CFAP100: variants seen among roughly 807,000 people sequenced by gnomAD.
The protein encoded by CFAP100 is cilia- and flagella-associated protein 100.
CFAP100 carries 70 observed loss-of-function variants against 81.5 expected under a neutral mutation model. The ratio of observed to expected loss-of-function variants is 0.86; its 90% confidence interval spans 0.71 to 1.05. The LOEUF is 1.05. Among genes scored for constraint, CFAP100 ranks in the 50% least tolerant of loss-of-function variants. The pLI is 0.00. For missense variants in CFAP100, 811 were observed against 776.5 expected, an observed-to-expected ratio of 1.04 and a Z score of -0.53; for synonymous variants, 341 against 314.8, an observed-to-expected ratio of 1.08 and a Z score of -0.88.
intron 5 of CFAP100, among the ~76,000 whole-genome samples, chr3:126,417,507 C>T (rs937878912): frequency 4.6e-5 from 7 of 152,094 alleles, no homozygotes; most frequent in African/African-American, 1.2e-4. Context: ...CTTGTGGGGG[C>T]GTTTAGGCCC....
At position 126,419,989 on chromosome 3, in the gene CFAP100, T is replaced by TCAAGGG; in HGVS notation, c.929_934dup (p.Gly310_Lys311dup). 6.2e-7 allele frequency: 1 copy of TCAAGGG among 1,613,100 alleles called. No individual in the cohort carries two copies. The highest frequency in any genetic ancestry group is 8.5e-7 in the Non-Finnish European group (1 of 1,179,946). Reference sequence around the variant, plus strand: ...CCTTTGCTTCCTGCAGGACCAGGGATCAAGGGCAAGGCGAGCTCCATGTGG... The same window carrying TCAAGGG: ...CCTTTGCTTCCTGCAGGACCAGGGATCAAGGGCAAGGGCAAGGCGAGCTCCATGTGG... On this transcript the variant is annotated inframe_insertion, in exon 10 of 17. Transcript: ENST00000352312.
At chr3:126,397,336 C>T (rs79255850) in intron 2 of CFAP100, among the ~76,000 whole-genome samples, 4,691 of 152,206 alleles carry the variant, frequency 0.031, 248 homozygotes, top group African/African-American at 0.11. Flanking sequence ...GGTGTGCACA[C>T]GCTCTCTCGT....
At chr3:126,433,807 C>T in intron 14 of CFAP100, 1 of 225,234 alleles carries the variant, frequency 4.4e-6, no homozygotes, top group South Asian at 7.3e-5. Context: ...CCTCATATAG[C>T]CCACATGGAG....
At chr3:126,405,540 G>A (rs1331221407) in intron 2 of CFAP100, among the ~76,000 whole-genome samples, 1 of 152,146 alleles carries the variant, frequency 6.6e-6, no homozygotes, top group African/African-American at 2.4e-5. Context: ...GTGCACACCT[G>A]TAGTCCCAGC....
intron 13 of CFAP100, among the ~76,000 whole-genome samples, chr3:126,432,257 T>C (rs1238770110): frequency 8.5e-6 from 1 of 117,610 alleles, no homozygotes; most frequent in Non-Finnish European, 1.6e-5. Flanking sequence ...CCACCCAGCC[T>C]GGGCGACTGA....
intron 2 of CFAP100, among the ~76,000 whole-genome samples, chr3:126,402,620 C>G (rs902962608): frequency 2.6e-5 from 4 of 151,700 alleles, no homozygotes; most frequent in African/African-American, 9.7e-5. Context: ...GGTGTGGGCT[C>G]TGGATTGGGT....
At chr3:126,426,404 A>G (rs1932939602) in intron 13 of CFAP100, among the ~76,000 whole-genome samples, 1 of 150,992 alleles carries the variant, frequency 6.6e-6, no homozygotes, top group Non-Finnish European at 1.5e-5. Context: ...GCAGTGAGCC[A>G]TGATCATGCC....
In CFAP100 at chr3:126,407,224, C is replaced by G; in HGVS notation, c.102C>G (p.Asn34Lys). 6.2e-7 allele frequency: 1 copy of G among 1,613,882 alleles called. No homozygotes were observed. Among genetic ancestry groups the G allele is most frequent in the Non-Finnish European group, 8.5e-7 (1 of 1,179,866 alleles). The part of the protein sequence containing the change: ...NISSSSSTEE[N>K]PKKQARKNEE... ...GCTCTTCTTCAAGCACTGAAGAGAA[C>G]CCAAAGAAACAGGCAAGAAAAAACG... is the stretch of plus-strand genomic sequence containing the variant. The change falls in exon 3 of 17, where the codon AAC becomes AAG. Residue 34 changes from asparagine to lysine, a missense_variant. Coordinates refer to ENST00000352312, the MANE Select transcript of CFAP100 (RefSeq NM_182628.3).
At chr3:126,399,724 C>G (rs1029201802) in intron 2 of CFAP100, among the ~76,000 whole-genome samples, 1 of 152,202 alleles carries the variant, frequency 6.6e-6, no homozygotes, top group African/African-American at 2.4e-5. Context: ...AGCAACTCTT[C>G]TGAAACTCTG....
Position 126,418,643 on chromosome 3 carries a change from G to A in CFAP100, c.519G>A (p.Gln173=), listed in dbSNP as rs776964539. 9 of 1,594,024 alleles carry A rather than the reference G, an allele frequency of 5.6e-6. No homozygotes were observed. In the South Asian group the frequency reaches 7.9e-5, roughly 14 times the overall value. Residue 173 remains glutamine, a synonymous_variant, in exon 7 of 17, where the codon CAG becomes CAA. Coordinates refer to ENST00000352312, the MANE Select transcript of CFAP100 (RefSeq NM_182628.3). Reference sequence around the variant, plus strand: ...TGGATGTCAAGCGGAGAGAGATCCAGCGGCTGGAGACGCTGGCGACCAAAG... The same window carrying A: ...TGGATGTCAAGCGGAGAGAGATCCAACGGCTGGAGACGCTGGCGACCAAAG... The part of the protein sequence containing the change: ...YALDVKRREI[Q]RLETLATKEE...
At position 126,418,631 on chromosome 3, in the gene CFAP100, G is replaced by A; in HGVS notation, c.507G>A (p.Arg169=). The change falls in exon 7 of 17, where the codon CGG becomes CGA. Residue 169 remains arginine, a synonymous_variant. Coordinates refer to ENST00000352312, the MANE Select transcript of CFAP100 (RefSeq NM_182628.3). ...CCCAGTATGCCCTGGATGTCAAGCG[G>A]AGAGAGATCCAGCGGCTGGAGACGC... is the stretch of plus-strand genomic sequence containing the variant. ...FLLQYALDVK[R]REIQRLETLA... The A allele has an allele frequency of 1.2e-6, 2 of 1,601,474 alleles. No homozygotes were observed. Among genetic ancestry groups the A allele is most frequent in the Non-Finnish European group, 1.7e-6 (2 of 1,174,258 alleles).
In CFAP100 at chr3:126,419,168, G is replaced by A. The variant is rs369100212; in HGVS notation, c.731+12G>A. The A allele has an allele frequency of 3.3e-6, 5 of 1,530,616 alleles. No homozygotes were observed. The African/African-American group carries it at 6.9e-5, about 21-fold the overall frequency. 94.8% of individuals were successfully genotyped at this position (1,530,616 alleles called of 1,614,324 possible). A position where few individuals can be genotyped will look rare whatever the true frequency, so the allele number is the denominator to read the frequency against. ...GTTAATATCAAAAGGTGAGGTCAGAGGGCATGCTGGCCATTGGCTGGCCCA... is the reference window on the plus strand; with the variant it reads ...GTTAATATCAAAAGGTGAGGTCAGAAGGCATGCTGGCCATTGGCTGGCCCA... On this transcript the variant is annotated intron_variant, in intron 8 of 16. Transcript: ENST00000352312.
chr3:126,418,338 C>A, intron 5 of CFAP100, 120 bp from the exon 6 acceptor site: 1 of 796,800 alleles, frequency 1.3e-6, no homozygotes, highest in South Asian at 1.5e-5. Context: ...TCCCGGTAGT[C>A]ACCTGGGCGT....
At chr3:126,432,843 T>C in intron 13 of CFAP100, 1 of 418,578 alleles carries the variant, frequency 2.4e-6, no homozygotes, top group Non-Finnish European at 4.2e-6. Flanking sequence ...TATGCCTCAA[T>C]GAAGCTGTTT....
At chr3:126,409,543 C>G (rs1240634036) in intron 3 of CFAP100, among the ~76,000 whole-genome samples, 1 of 152,190 alleles carries the variant, frequency 6.6e-6, no homozygotes, top group East Asian at 1.9e-4. Flanking sequence ...AGGGACTGTA[C>G]CAATTCACAG....
chr3:126,414,338 A>T (rs747095999), intron 4 of CFAP100, 159 bp downstream of exon 4: 79 of 726,672 alleles, frequency 1.1e-4, no homozygotes, highest in Non-Finnish European at 1.7e-4. Context: ...TCAGCTGGAA[A>T]CCTTACCTGG....
intron 2 of CFAP100, 70 bp from the exon 3 acceptor site, chr3:126,407,102 C>T: frequency 9.4e-7 from 1 of 1,066,852 alleles, no homozygotes; most frequent in Non-Finnish European, 1.4e-6. Context: ...TTCCCCGCCT[C>T]AGGCTGTGTT....
At chr3:126,413,210 T>C (rs1281492481) in intron 3 of CFAP100, among the ~76,000 whole-genome samples, 2 of 152,156 alleles carry the variant, frequency 1.3e-5, no homozygotes, top group African/African-American at 2.4e-5. Flanking sequence ...TCCCAGTGTC[T>C]GCCACCCAGA....
chr3:126,418,844 C>A, intron 7 of CFAP100, 70 bp downstream of exon 7: 1 of 1,475,690 alleles, frequency 6.8e-7, no homozygotes, highest in Middle Eastern at 2.3e-4. Flanking sequence ...CTGTGCACAC[C>A]CACTTATCCA....
Sources: allele counts gnomAD v4.1 joint callset (sites outside exome capture counted in the v4.1 genomes callset), GRCh38; gene constraint gnomAD v4.1.1; transcripts MANE v1.5; gene names NCBI Gene and HGNC (gene_info 2026-07-23, HGNC 2026-07-21).